Variants in C10orf88 observed in about 807,000 individuals in gnomAD.
C10orf88 encodes the protein chromosome 10 open reading frame 88.
C10orf88 carries 29 observed loss-of-function variants against 34.2 expected under a neutral mutation model. The observed-to-expected ratio is 0.85, with a 90% CI of 0.63 to 1.16. The LOEUF is 1.16. Ranked by LOEUF, C10orf88 falls within the 50% of genes most tolerant of loss-of-function variation. The pLI, the probability that C10orf88 is intolerant of heterozygous loss-of-function variation, is 0.00. For synonymous variants in C10orf88, 194 were observed against 197.4 expected (o/e 0.98, Z 0.15); for missense variants, 507 against 533.2 (o/e 0.95, Z 0.48).
At chr10:122,937,148 A>G (rs535346977) in intron 5 of C10orf88, among the ~76,000 whole-genome samples, 1 of 152,166 alleles carries the variant, frequency 6.6e-6, no homozygotes, top group East Asian at 1.9e-4. Context: ...TTGACATACT[A>G]TATCTACTTA....
Position 122,938,225 on chromosome 10 carries a change from CTA to C in C10orf88, c.649-68_649-67del, listed in dbSNP as rs1848552817. 4.6e-6 allele frequency: 6 copies of C among 1,311,168 alleles called. No homozygotes were observed. The Admixed American group carries it at 1.3e-4, about 28-fold the overall frequency. 81.2% of individuals were successfully genotyped at this position (1,311,168 alleles called of 1,614,324 possible). A position where few individuals can be genotyped will look rare whatever the true frequency, so the allele number is the denominator to read the frequency against. ...TGACAGCTAACTTTTGGAGTAATTA[CTA>C]TGAGTCAGGCACTGTGCATTGTTTC... On this transcript the variant is annotated intron_variant, in intron 4 of 5. Coordinates refer to ENST00000481909, the MANE Select transcript of C10orf88 (RefSeq NM_024942.4).
intron 5 of C10orf88, among the ~76,000 whole-genome samples, chr10:122,934,002 G>A (rs1199865314): frequency 6.6e-6 from 1 of 151,952 alleles, no homozygotes; most frequent in Admixed American, 6.6e-5. Context: ...CCTCAATTAA[G>A]AGTGTAAAGA....
chr10:122,947,492 T>A (rs1848650675), intron 4 of C10orf88, among the ~76,000 whole-genome samples: 1 of 152,168 alleles, frequency 6.6e-6, no homozygotes, highest in Non-Finnish European at 1.5e-5. Flanking sequence ...TTACCTGACA[T>A]CAAATCGTTT....
rs979715156 is a variant in C10orf88 at position 122,954,194 on chromosome 10, C to T, written c.-16G>A. ...GCGTCTCCATTCCGCCGCCTTCAGT[C>T]AGGCCAGCCCAGCCCCGGAACCTCT... On this transcript the variant is annotated 5_prime_UTR_variant, in exon 1 of 6. Coordinates refer to ENST00000481909, the MANE Select transcript of C10orf88 (RefSeq NM_024942.4). The T allele has an allele frequency of 6.5e-7, 1 of 1,536,612 alleles. No individual in the cohort carries two copies. The highest frequency in any genetic ancestry group is 8.7e-7 in the Non-Finnish European group (1 of 1,150,872).
chr10:122,939,779 A>G, intron 4 of C10orf88, among the ~76,000 whole-genome samples: 1 of 151,974 alleles, frequency 6.6e-6, no homozygotes, highest in East Asian at 1.9e-4. Context: ...ATTAAGAGTA[A>G]TAATATTTAC....
intron 2 of C10orf88, 36 bp from the exon 3 acceptor site, chr10:122,952,062 A>C: frequency 9.8e-7 from 1 of 1,021,946 alleles, no homozygotes; most frequent in Admixed American, 2.5e-5. Flanking sequence ...TTTTACTTAC[A>C]TATATTGTCA....
chr10:122,939,938 A>G (rs1848567932), intron 4 of C10orf88, among the ~76,000 whole-genome samples: 1 of 152,018 alleles, frequency 6.6e-6, no homozygotes, highest in Non-Finnish European at 1.5e-5. Context: ...TATGAAAATT[A>G]GTCATTGGTT....
chr10:122,952,504 A>C (rs1243078590), intron 2 of C10orf88, among the ~76,000 whole-genome samples: 2 of 152,254 alleles, frequency 1.3e-5, no homozygotes, highest in African/African-American at 4.8e-5. Context: ...TAACTTTCGG[A>C]AGACAGACTG....
intron 5 of C10orf88, 52 bp downstream of exon 5, chr10:122,937,653 T>A (rs1342027727): frequency 7.0e-7 from 1 of 1,436,506 alleles, no homozygotes; most frequent in Non-Finnish European, 9.4e-7. Context: ...TCCTTTCATC[T>A]GATTCTTCCA....
intron 5 of C10orf88, 104 bp downstream of exon 5, chr10:122,937,601 T>C: frequency 9.6e-7 from 1 of 1,041,280 alleles, no homozygotes. Flanking sequence ...AAATTTTCTC[T>C]GGAAACAAAT....
rs139420611 is a variant in C10orf88 at position 122,952,949 on chromosome 10, C to A, written c.248G>T (p.Gly83Val). Residue 83 changes from glycine (G) to valine (V), a missense_variant, in exon 2 of 6, where the codon GGA (glycine) becomes GTA (valine). Gly to Val is a moderately radical substitution (Grantham distance 109). Transcript: ENST00000481909. ...CFLYLRCGPD[G>V]GEEIASIGIL... is the part of the protein sequence containing the mutation. ...GCCAATAGAAGCGATTTCTTCACCT[C>A]CATCAGGGCCACACCTCAGGTAAAG... 1.4e-4 allele frequency: 220 copies of A among 1,614,196 alleles called. 1 individual carries two copies. In the African/African-American group the frequency reaches 2.2e-3, roughly 16 times the overall value.
At chr10:122,942,924 A>T (rs1170442497) in intron 4 of C10orf88, among the ~76,000 whole-genome samples, 1 of 146,692 alleles carries the variant, frequency 6.8e-6, no homozygotes. Flanking sequence ...AGGAAGAATC[A>T]ATATCGTGAA....
chr10:122,940,147 C>T (rs1232426769), intron 4 of C10orf88, among the ~76,000 whole-genome samples: 1 of 151,878 alleles, frequency 6.6e-6, no homozygotes, highest in Non-Finnish European at 1.5e-5. Flanking sequence ...ACAGAAACAA[C>T]CTAAATGTCC....
At chr10:122,935,863 A>G (rs1017929949) in intron 5 of C10orf88, among the ~76,000 whole-genome samples, 3 of 151,406 alleles carry the variant, frequency 2.0e-5, no homozygotes, top group African/African-American at 7.3e-5. Context: ...AAATTTTTTC[A>G]TATATTTTAT....
chr10:122,936,582 G>A (rs943505774), intron 5 of C10orf88, among the ~76,000 whole-genome samples: 3 of 151,850 alleles, frequency 2.0e-5, no homozygotes, highest in African/African-American at 7.2e-5. Context: ...GTAGCTTTAC[G>A]CTACTGATTT....
At chr10:122,953,975 T>C in intron 1 of C10orf88, 40 bp downstream of exon 1, 1 of 1,478,230 alleles carries the variant, frequency 6.8e-7, no homozygotes, top group Non-Finnish European at 8.9e-7. Context: ...GCGCGGCAGT[T>C]GCCGAGCATA....
At position 122,931,418 on chromosome 10, in the gene C10orf88, T is replaced by C. The variant is rs1284417650; in HGVS notation, c.*1009A>G. 1 of 152,174 alleles carries C rather than the reference T, an allele frequency of 6.6e-6. No individual in the cohort carries two copies. The highest frequency in any genetic ancestry group is 2.4e-5 in the African/African-American group (1 of 41,442). 9.4% of individuals were successfully genotyped at this position (152,174 alleles called of 1,614,324 possible). On this transcript the variant is annotated 3_prime_UTR_variant, in exon 6 of 6. Transcript: ENST00000481909. ...AGAAGAAATTTGCCAAAATATTAAA[T>C]GAGTATGAGATACCCTTTTTCTAAA...
intron 4 of C10orf88, among the ~76,000 whole-genome samples, chr10:122,938,488 A>T (rs1181392062): frequency 2.0e-5 from 3 of 152,060 alleles, no homozygotes; most frequent in African/African-American, 7.2e-5. Flanking sequence ...ACTGACACTA[A>T]TGTTTCCACT....
intron 4 of C10orf88, among the ~76,000 whole-genome samples, chr10:122,943,609 T>A (rs1205033727): frequency 1.3e-5 from 2 of 152,008 alleles, no homozygotes; most frequent in Non-Finnish European, 2.9e-5. Context: ...GGGAGAAAAT[T>A]TTTGCAACCT....
Sources: allele counts gnomAD v4.1 joint callset (sites outside exome capture counted in the v4.1 genomes callset), GRCh38; gene constraint gnomAD v4.1.1; transcripts MANE v1.5; gene names NCBI Gene and HGNC (gene_info 2026-07-23, HGNC 2026-07-21).